The following LRCH1 variants were observed in gnomAD, a reference collection of about 807,000 sequenced individuals.
The protein encoded by LRCH1 is leucine-rich repeat and calponin homology domain-containing protein 1.
In LRCH1, 23 loss-of-function variants were observed where a neutral mutation model predicts 94.9. The ratio of observed to expected loss-of-function variants is 0.24; its 90% CI spans 0.17 to 0.34. The LOEUF is 0.34. LRCH1 is among the 10% of genes least tolerant of loss of function. LRCH1 has a pLI of 1.00. For missense variants in LRCH1, 790 were observed against 945.9 expected (o/e 0.84, Z 2.16); for synonymous variants, 364 against 354.9 (o/e 1.03, Z -0.29).
Position 46,705,254 on chromosome 13 carries a change from C to G in LRCH1, c.1491-14C>G. On this transcript the variant is annotated splice_polypyrimidine_tract_variant and intron_variant, in intron 12 of 19. Coordinates refer to ENST00000389797, the MANE Select transcript of LRCH1 (RefSeq NM_001164211.2). The stretch of plus-strand genomic sequence containing the variant: ...TCACTTTGTATCTTTTTTTTTCTTT[C>G]CTTGTTCTCACAGTGGTCAAATACA... 1 of 1,593,316 alleles carries G rather than the reference C, an allele frequency of 6.3e-7. No homozygotes were observed. The highest frequency in any genetic ancestry group is 8.5e-7 in the Non-Finnish European group (1 of 1,172,700).
At chr13:46,708,480 C>T (rs942823166) in intron 13 of LRCH1, among the ~76,000 whole-genome samples, 2 of 152,034 alleles carry the variant, frequency 1.3e-5, no homozygotes, top group Non-Finnish European at 2.9e-5. Context: ...CCACGTTGGC[C>T]AAGCTGGTCT....
At chr13:46,594,873 T>C (rs570395638) in intron 1 of LRCH1, among the ~76,000 whole-genome samples, 2 of 152,332 alleles carry the variant, frequency 1.3e-5, no homozygotes, top group South Asian at 4.1e-4. Flanking sequence ...TAATAAGATC[T>C]AGTAACAAGA....
At chr13:46,716,369 A>G (rs1872320845) in intron 16 of LRCH1, among the ~76,000 whole-genome samples, 1 of 152,244 alleles carries the variant, frequency 6.6e-6, no homozygotes, top group Non-Finnish European at 1.5e-5. Flanking sequence ...ATAATTATTT[A>G]GATCTGCACA....
At chr13:46,710,825 A>G (rs1872024015) in intron 13 of LRCH1, among the ~76,000 whole-genome samples, 1 of 152,126 alleles carries the variant, frequency 6.6e-6, no homozygotes, top group Admixed American at 6.5e-5. Flanking sequence ...ATTAGGGAGG[A>G]TCAGGGGGTT....
At chr13:46,647,128 A>G (rs2138073230) in intron 1 of LRCH1, among the ~76,000 whole-genome samples, 1 of 151,992 alleles carries the variant, frequency 6.6e-6, no homozygotes, top group Non-Finnish European at 1.5e-5. Context: ...AAAAAAAAAA[A>G]AGAAACCATG....
intron 18 of LRCH1, 122 bp from the exon 19 acceptor site, chr13:46,733,799 A>G: frequency 1.7e-6 from 1 of 578,760 alleles, no homozygotes; most frequent in Non-Finnish European, 3.1e-6. Context: ...CTTATGTGTT[A>G]TTTTCTTTTG....
At chr13:46,606,706 G>T (rs1253070630) in intron 1 of LRCH1, among the ~76,000 whole-genome samples, 1 of 152,078 alleles carries the variant, frequency 6.6e-6, no homozygotes, top group Non-Finnish European at 1.5e-5. Flanking sequence ...TGAGTAGTTG[G>T]ACTTACAGGC....
rs771727389 is a variant in LRCH1 at position 46,681,892 on chromosome 13, A to G, written c.685+46A>G. The stretch of plus-strand genomic sequence containing the variant: ...ATGAAGAAAATGGGAGACTTGCATT[A>G]TTTTATGTTTTGGGGGGTTTACTTT... On this transcript the variant is annotated intron_variant, in intron 4 of 19. Coordinates refer to ENST00000389797, the MANE Select transcript of LRCH1 (RefSeq NM_001164211.2). 5.4e-5 allele frequency: 67 copies of G among 1,240,702 alleles called. No homozygotes were observed. The East Asian group carries it at 1.7e-3, about 31-fold the overall frequency. The allele number at this position is 1,240,702 out of a possible 1,614,324, so 76.9% of individuals were successfully genotyped here.
chr13:46,584,834 C>T (rs1394820780), intron 1 of LRCH1, among the ~76,000 whole-genome samples: 1 of 152,162 alleles, frequency 6.6e-6, no homozygotes, highest in East Asian at 1.9e-4. Context: ...TATAAAGCAA[C>T]AGTTGCTACG....
chr13:46,583,800 C>T (rs1265103823), intron 1 of LRCH1, among the ~76,000 whole-genome samples: 1 of 150,836 alleles, frequency 6.6e-6, no homozygotes, highest in Non-Finnish European at 1.5e-5. Flanking sequence ...TCACTGTGTC[C>T]CCCAGGCTGG....
At chr13:46,677,389 C>T (rs2051691906) in intron 3 of LRCH1, among the ~76,000 whole-genome samples, 1 of 152,072 alleles carries the variant, frequency 6.6e-6, no homozygotes, top group African/African-American at 2.4e-5. Flanking sequence ...AAGATCGCGC[C>T]ATCGCACTCC....
At chr13:46,707,489 G>C (rs767051666) in intron 13 of LRCH1, among the ~76,000 whole-genome samples, 1 of 151,794 alleles carries the variant, frequency 6.6e-6, no homozygotes, top group African/African-American at 2.4e-5. Context: ...TTATTTTTTC[G>C]TTGCAACTAA....
At position 46,669,059 on chromosome 13, in the gene LRCH1, G is replaced by C. The variant is rs1213927363; in HGVS notation, c.482G>C (p.Cys161Ser). The C allele has an allele frequency of 1.2e-6, 2 of 1,614,108 alleles. No homozygotes were observed. Among genetic ancestry groups the C allele is most frequent in the African/African-American group, 1.3e-5 (1 of 75,034 alleles). Reference protein sequence around the residue: ...SRNQLSALPACLCGLPLKVLI... With the variant: ...SRNQLSALPASLCGLPLKVLI... ...AATCAGCTGTCCGCCCTGCCTGCCT[G>C]CCTGTGTGGTCTGCCTCTCAAAGTC... is the stretch of plus-strand genomic sequence containing the variant. The change falls in exon 3 of 20, where the codon TGC becomes TCC. Residue 161 changes from cysteine (C) to serine (S), a missense_variant. By Grantham distance (112) the Cys-to-Ser change is moderately radical. Around this residue, in one of 3 missense-constraint regions of LRCH1, gnomAD observed 194 missense variants for 293.5 expected, o/e 0.66. Transcript: ENST00000389797.
intron 1 of LRCH1, among the ~76,000 whole-genome samples, chr13:46,591,142 T>G (rs1251239910): frequency 2.0e-5 from 3 of 152,192 alleles, no homozygotes; most frequent in Non-Finnish European, 4.4e-5. Flanking sequence ...TACTTTTTTG[T>G]GTGCCCCGCA....
intron 17 of LRCH1, among the ~76,000 whole-genome samples, chr13:46,723,960 TATTAA>T (rs1872700778): frequency 6.6e-6 from 1 of 152,136 alleles, no homozygotes; most frequent in South Asian, 2.1e-4. Context: ...TACTTAATAA[TATTAA>T]ATTAATTTTC....
exon 19 of LRCH1, chr13:46,752,569 A>C (rs554534565): frequency 4.0e-4 from 61 of 152,336 alleles, no homozygotes; most frequent in African/African-American, 1.4e-3. Flanking sequence ...GTTTTGTCAA[A>C]TAGCATAATG....
At chr13:46,695,085 T>G in intron 9 of LRCH1, 68 bp downstream of exon 9, 1 of 1,573,500 alleles carries the variant, frequency 6.4e-7, no homozygotes, top group Admixed American at 1.8e-5. Flanking sequence ...ACAATTTAAG[T>G]TGAAGGTTGC....
rs533159782 is a variant in LRCH1 at position 46,565,337 on chromosome 13, T to A, written c.307+11634T>A. Among the ~76,000 whole-genome samples the A allele has an allele frequency of 2.7e-4, 41 of 152,246 alleles. No homozygotes were observed. The South Asian group carries it at 8.5e-3, about 32-fold the overall frequency. On this transcript the variant is annotated intron_variant, in intron 1 of 19. Coordinates refer to ENST00000389797, the MANE Select transcript of LRCH1 (RefSeq NM_001164211.2). ...TGTTATTTATATCCTTTCGGCAGTC[T>A]TGGGAGGATGGTAGCATAGGTGGTA...
At chr13:46,719,190 A>G (rs541031322) in intron 16 of LRCH1, among the ~76,000 whole-genome samples, 4 of 152,330 alleles carry the variant, frequency 2.6e-5, no homozygotes, top group East Asian at 1.9e-4. Context: ...AGTTTAGGAG[A>G]TTATTCATAA....
Sources: gnomAD v4.1 joint callset for allele counts (sites outside exome capture counted in the v4.1 genomes callset) on GRCh38, gnomAD v4.1.1 for gene constraint, gnomAD v4.1.1 regional missense constraint, MANE v1.5 for transcripts, NCBI Gene and HGNC (gene_info 2026-07-23, HGNC 2026-07-21) for gene names.